Variants in ELAVL3 observed in about 807,000 individuals in gnomAD.
ELAVL3 encodes ELAV like RNA binding protein 3.
In ELAVL3, 8 loss-of-function variants were observed where a neutral mutation model predicts 34.2. That is an observed-to-expected ratio of 0.23 (90% CI 0.14 to 0.42). The LOEUF is 0.42. Ranked by LOEUF, ELAVL3 falls within the 10% of genes least tolerant of loss-of-function variation. The pLI is 1.00. For synonymous variants in ELAVL3, 209 were observed against 222.1 expected, an observed-to-expected ratio of 0.94 and a Z score of 0.53; for missense variants, 273 against 518.8, an observed-to-expected ratio of 0.53 and a Z score of 4.60.
At chr19:11,474,411 A>G (rs1971225298) in intron 1 of ELAVL3, among the ~76,000 whole-genome samples, 2 of 152,146 alleles carry the variant, frequency 1.3e-5, no homozygotes, top group Non-Finnish European at 1.5e-5. Flanking sequence ...CCTTGCCAAC[A>G]TGGTGAAACC....
Position 11,457,136 on chromosome 19 carries a change from C to A in ELAVL3, c.726G>T (p.Leu242Phe). The stretch of plus-strand genomic sequence containing the variant: ...TCTTGACGCCGTAGGCCATGTTGAG[C>A]AAATTGTCCAGCCTGTGGAGGCAGA... ...HQTQRFRLDN[L>F]LNMAYGVKSP... Residue 242 changes from leucine to phenylalanine, a missense_variant, in exon 6 of 7, where the codon TTG (leucine) becomes TTT (phenylalanine). Around this residue, in one of 4 missense-constraint regions of ELAVL3, gnomAD observed 79 missense variants for 108.2 expected, o/e 0.73. Coordinates refer to ENST00000359227, the MANE Select transcript of ELAVL3 (RefSeq NM_001420.4). 1 of 1,547,238 alleles carries A rather than the reference C, an allele frequency of 6.5e-7. No homozygotes were observed. The highest frequency in any genetic ancestry group is 8.7e-7 in the Non-Finnish European group (1 of 1,153,906).
At chr19:11,457,803 A>G (rs956193443) in intron 5 of ELAVL3, among the ~76,000 whole-genome samples, 1 of 152,380 alleles carries the variant, frequency 6.6e-6, no homozygotes, top group East Asian at 1.9e-4. Flanking sequence ...CGTGCCCAAA[A>G]GAGAAAGGGG....
chr19:11,465,618 C>A (rs893015794), intron 3 of ELAVL3, among the ~76,000 whole-genome samples: 87 of 151,892 alleles, frequency 5.7e-4, no homozygotes, highest in African/African-American at 2.0e-3. Context: ...CTCCAGGGTC[C>A]GGGAGCAGAT....
chr19:11,453,173 C>T lies in ELAVL3; in HGVS notation c.*1353G>A, dbSNP rs1970691266. 6.6e-6 allele frequency: 1 copy of T among 151,238 alleles called. No individual in the cohort carries two copies. Among genetic ancestry groups the T allele is most frequent in the African/African-American group, 2.5e-5 (1 of 40,760 alleles). 9.4% of individuals were successfully genotyped at this position (151,238 alleles called of 1,614,324 possible). A position where few individuals can be genotyped will look rare whatever the true frequency, so the allele number is the denominator to read the frequency against. Reference sequence around the variant, plus strand: ...GGCTGAGCCCCGGGGACAGGGGTGTCCTTTGGCCTCAAGTGTTGTGGGGGG... The same window carrying T: ...GGCTGAGCCCCGGGGACAGGGGTGTTCTTTGGCCTCAAGTGTTGTGGGGGG... On this transcript the variant is annotated 3_prime_UTR_variant, in exon 7 of 7. Transcript: ENST00000359227.
Position 11,480,642 on chromosome 19 carries a change from G to T in ELAVL3, c.-34C>A. On this transcript the variant is annotated 5_prime_UTR_variant, in exon 1 of 7. Coordinates refer to ENST00000359227, the MANE Select transcript of ELAVL3 (RefSeq NM_001420.4). This position sits in a 1 kb window ranked among gnomAD's most constrained non-coding sequence, Gnocchi z 6.8. ...GCCCGGCGGGCGCGGTCCGTGTTGA[G>T]GGGGGCTCCGGGGGTGGTGCACTCC... is the stretch of plus-strand genomic sequence containing the variant. 1 of 1,418,596 alleles carries T rather than the reference G, an allele frequency of 7.0e-7. No individual in the cohort carries two copies. The highest frequency in any genetic ancestry group is 9.3e-7 in the Non-Finnish European group (1 of 1,079,798). 87.9% of individuals were successfully genotyped at this position (1,418,596 alleles called of 1,614,324 possible). A position where few individuals can be genotyped will look rare whatever the true frequency, so the allele number is the denominator to read the frequency against.
At position 11,480,316 on chromosome 19, in the gene ELAVL3, C is replaced by G; in HGVS notation, c.9+284G>C. On this transcript the variant is annotated intron_variant, in intron 1 of 6. Transcript: ENST00000359227. The surrounding 1 kb of genome is among the most constrained non-coding windows in gnomAD (Gnocchi z 6.8). ...TTAGCCGCCGCGGCCCCTCCCCCATCAGGCCTGCTGGAGAGGGGGCAATCC... is the reference window on the plus strand; with the variant it reads ...TTAGCCGCCGCGGCCCCTCCCCCATGAGGCCTGCTGGAGAGGGGGCAATCC... 1 of 379,874 alleles carries G rather than the reference C, an allele frequency of 2.6e-6. No individual in the cohort carries two copies. Among genetic ancestry groups the G allele is most frequent in the Non-Finnish European group, 4.7e-6 (1 of 213,390 alleles). 23.5% of individuals were successfully genotyped at this position (379,874 alleles called of 1,614,324 possible).
At position 11,454,517 on chromosome 19, in the gene ELAVL3, G is replaced by A. The variant is rs750136144; in HGVS notation, c.*9C>T. 3.8e-6 allele frequency: 6 copies of A among 1,582,266 alleles called. No individual in the cohort carries two copies. The highest frequency in any genetic ancestry group is 1.7e-5 in the Admixed American group (1 of 58,230). On this transcript the variant is annotated 3_prime_UTR_variant, in exon 7 of 7. Coordinates refer to ENST00000359227, the MANE Select transcript of ELAVL3 (RefSeq NM_001420.4). This position sits in a 1 kb window ranked among gnomAD's most constrained non-coding sequence, Gnocchi z 9.2. ...CCGGGGAGGGGGTGGGAGGGCAGGCGGGGTGGGCTCACGCCTTGTGCTGTT... is the reference window on the plus strand; with the variant it reads ...CCGGGGAGGGGGTGGGAGGGCAGGCAGGGTGGGCTCACGCCTTGTGCTGTT...
At chr19:11,478,967 G>A (rs1971315140) in intron 1 of ELAVL3, among the ~76,000 whole-genome samples, 1 of 152,056 alleles carries the variant, frequency 6.6e-6, no homozygotes, top group Non-Finnish European at 1.5e-5. Flanking sequence ...GGGTCCTCCT[G>A]GTCTTAATTT....
At chr19:11,455,807 C>A (rs1391479622) in intron 6 of ELAVL3, among the ~76,000 whole-genome samples, 1 of 152,174 alleles carries the variant, frequency 6.6e-6, no homozygotes, top group Non-Finnish European at 1.5e-5. Flanking sequence ...CCCTGAACAA[C>A]ACCTAGTAAG....
rs553286536 is a variant in ELAVL3 at position 11,451,445 on chromosome 19, G to C, written c.*3081C>G. 1 of 149,590 alleles carries C rather than the reference G, an allele frequency of 6.7e-6. No individual in the cohort carries two copies. The highest frequency in any genetic ancestry group is 1.5e-5 in the Non-Finnish European group (1 of 67,600). 9.3% of individuals were successfully genotyped at this position (149,590 alleles called of 1,614,324 possible). ...CGGTAATAAATAGTCTAAACGCAAC[G>C]CGAAGTGTTCTTGTTGGGTTTTTTT... On this transcript the variant is annotated 3_prime_UTR_variant, in exon 7 of 7. Transcript: ENST00000359227.
intron 3 of ELAVL3, among the ~76,000 whole-genome samples, chr19:11,460,355 C>T (rs1970857812): frequency 6.7e-6 from 1 of 150,368 alleles, no homozygotes; most frequent in South Asian, 2.1e-4. Context: ...CCATCCCCCA[C>T]TGTCTGTCCC....
rs1970815323 is a variant in ELAVL3, at chr19:11,458,421, G to T, written c.487+37C>A. The T allele has an allele frequency of 6.2e-7, 1 of 1,612,934 alleles. No homozygotes were observed. Reference sequence around the variant, plus strand: ...GGTCCCACCTGACTGCCTTTGCCCAGCGCCCCCGCCAGGTGCACCCTCCCT... The same window carrying T: ...GGTCCCACCTGACTGCCTTTGCCCATCGCCCCCGCCAGGTGCACCCTCCCT... On this transcript the variant is annotated intron_variant, in intron 4 of 6. Transcript: ENST00000359227. This position sits in a 1 kb window ranked among gnomAD's most constrained non-coding sequence, Gnocchi z 7.3.
rs1970723576 is a variant in ELAVL3, at chr19:11,454,463, C to G, written c.*63G>C. ...TCTTGGGCCCCTTCTCTCTCTCTCT[C>G]TCTCTTTCTCTCTCTCTCTCTCTGC... On this transcript the variant is annotated 3_prime_UTR_variant, in exon 7 of 7. Transcript: ENST00000359227. This position sits in a 1 kb window ranked among gnomAD's most constrained non-coding sequence, Gnocchi z 9.2. The G allele has an allele frequency of 8.5e-6, 12 of 1,404,498 alleles. No homozygotes were observed. Among genetic ancestry groups the G allele is most frequent in the South Asian group, 1.4e-5 (1 of 71,308 alleles). The allele number at this position is 1,404,498 out of a possible 1,614,324, so 87.0% of individuals were successfully genotyped here.
At position 11,454,980 on chromosome 19, in the gene ELAVL3, G is replaced by T; in HGVS notation, c.753-103C>A. 1 of 1,320,688 alleles carries T rather than the reference G, an allele frequency of 7.6e-7. No individual in the cohort carries two copies. Among genetic ancestry groups the T allele is most frequent in the Non-Finnish European group, 1.0e-6 (1 of 968,520 alleles). The allele number at this position is 1,320,688 out of a possible 1,614,324, so 81.8% of individuals were successfully genotyped here. On this transcript the variant is annotated intron_variant, in intron 6 of 6. Coordinates refer to ENST00000359227, the MANE Select transcript of ELAVL3 (RefSeq NM_001420.4). The surrounding 1 kb of genome is among the most constrained non-coding windows in gnomAD (Gnocchi z 9.2). ...GACCCCTGACTGTGCCATGACCTTG[G>T]AATGGTGTGACCCCTGCAATGCAAT...
At position 11,458,118 on chromosome 19, in the gene ELAVL3, T is replaced by C; in HGVS notation, c.656A>G (p.Tyr219Cys). The change falls in exon 5 of 7, where the codon TAC becomes TGC. Residue 219 changes from tyrosine (Y) to cysteine (C), a missense_variant. Physicochemically the swap from Tyr to Cys is radical, Grantham distance 194. Coordinates refer to ENST00000359227, the MANE Select transcript of ELAVL3 (RefSeq NM_001420.4). This position sits in a 1 kb window ranked among gnomAD's most constrained non-coding sequence, Gnocchi z 7.3. ...KTGQALLTHL[Y>C]QSSARRYAGP... ...TGCGTAGCGCCGGGCGGATGACTGG[T>C]AGAGGTGGGTGAGCAGCGCCTGCCC... 1 of 1,614,036 alleles carries C rather than the reference T, an allele frequency of 6.2e-7. No individual in the cohort carries two copies.
At chr19:11,457,830 C>G (rs2144879990) in intron 5 of ELAVL3, among the ~76,000 whole-genome samples, 1 of 152,356 alleles carries the variant, frequency 6.6e-6, no homozygotes, top group South Asian at 2.1e-4. Flanking sequence ...GAGCTGGAAC[C>G]CAGATGACGC....
Position 11,480,351 on chromosome 19 carries a change from G to C in ELAVL3, c.9+249C>G. 2.5e-6 allele frequency: 1 copy of C among 406,822 alleles called. No homozygotes were observed. The allele number at this position is 406,822 out of a possible 1,614,324, so 25.2% of individuals were successfully genotyped here. A position where few individuals can be genotyped will look rare whatever the true frequency, so the allele number is the denominator to read the frequency against. ...GGAGAGGGGGCAATCCCGCCTCCAG[G>C]GCGGCGTCGGACGCCTCCCGAATCG... is the stretch of plus-strand genomic sequence containing the variant. On this transcript the variant is annotated intron_variant, in intron 1 of 6. Coordinates refer to ENST00000359227, the MANE Select transcript of ELAVL3 (RefSeq NM_001420.4). The surrounding 1 kb of genome is among the most constrained non-coding windows in gnomAD (Gnocchi z 6.8).
chr19:11,454,390 A>AG lies in ELAVL3; in HGVS notation c.*135dup. 1 of 858,152 alleles carries AG rather than the reference A, an allele frequency of 1.2e-6. No individual in the cohort carries two copies. The highest frequency in any genetic ancestry group is 1.7e-5 in the African/African-American group (1 of 58,168). The allele number at this position is 858,152 out of a possible 1,614,324, so 53.2% of individuals were successfully genotyped here. On this transcript the variant is annotated 3_prime_UTR_variant, in exon 7 of 7. Transcript: ENST00000359227. The surrounding 1 kb of genome is among the most constrained non-coding windows in gnomAD (Gnocchi z 9.2). ...AGAGTGCTCACCCTGTGGCTTCCGC[A>AG]GGGACGTGGGGCCCTCGCGTCGTCC...
intron 1 of ELAVL3, among the ~76,000 whole-genome samples, chr19:11,479,933 C>A (rs977006239): frequency 2.0e-5 from 3 of 151,670 alleles, no homozygotes; most frequent in Non-Finnish European, 4.4e-5. Flanking sequence ...GCCCCCCCAA[C>A]CCGCGGGCCC....
Sources: allele counts gnomAD v4.1 joint callset (sites outside exome capture counted in the v4.1 genomes callset), GRCh38; gene constraint gnomAD v4.1.1; regional missense constraint gnomAD v4.1.1; non-coding constraint Gnocchi (gnomAD v3.1); transcripts MANE v1.5; gene names NCBI Gene and HGNC (gene_info 2026-07-23, HGNC 2026-07-21).